CACNA2D3: variants seen among roughly 807,000 people sequenced by gnomAD.
The protein encoded by CACNA2D3 is voltage-dependent calcium channel subunit alpha-2/delta-3.
A neutral mutation model predicts 160.6 loss-of-function variants in CACNA2D3; 60 were observed. The observed-to-expected ratio is 0.37, with a 90% CI of 0.30 to 0.46. CACNA2D3 has a LOEUF of 0.46. Ranked by LOEUF, CACNA2D3 falls within the 20% of genes least tolerant of loss-of-function variation. The probability of loss-of-function intolerance (pLI) is 1.00; values close to 1 mark genes in which losing one functional copy is unlikely to be tolerated. For synonymous variants in CACNA2D3, 558 were observed against 492.9 expected, an observed-to-expected ratio of 1.13 and a Z score of -1.75; for missense variants, 1,205 against 1,365.0, an observed-to-expected ratio of 0.88 and a Z score of 1.85.
At chr3:55,005,687 T>C (rs1275438430) in intron 32 of CACNA2D3, among the ~76,000 whole-genome samples, 1 of 152,176 alleles carries the variant, frequency 6.6e-6, no homozygotes, top group African/African-American at 2.4e-5. Flanking sequence ...AAATTAACTG[T>C]TACCACTTAC....
chr3:54,177,943 A>G (rs1445196416), intron 2 of CACNA2D3: 1 of 152,188 alleles, frequency 6.6e-6, no homozygotes, highest in Non-Finnish European at 1.5e-5. Flanking sequence ...CAAAAATATT[A>G]CCTTATTTCC....
chr3:54,941,955 C>G (rs1701478733), intron 27 of CACNA2D3, among the ~76,000 whole-genome samples: 1 of 152,216 alleles, frequency 6.6e-6, no homozygotes, highest in African/African-American at 2.4e-5. Context: ...TGACAGCTGC[C>G]TTTCAGTAAA....
At chr3:54,906,313 A>C (rs1700447444) in intron 27 of CACNA2D3, among the ~76,000 whole-genome samples, 1 of 152,098 alleles carries the variant, frequency 6.6e-6, no homozygotes, top group Non-Finnish European at 1.5e-5. Flanking sequence ...TAGGATTAAG[A>C]GATGAAATGT....
intron 27 of CACNA2D3, among the ~76,000 whole-genome samples, chr3:54,950,491 A>G (rs990181763): frequency 1.3e-5 from 2 of 152,156 alleles, no homozygotes; most frequent in Non-Finnish European, 2.9e-5. Context: ...AATGCTGACA[A>G]TAATTATAAT....
intron 35 of CACNA2D3, among the ~76,000 whole-genome samples, chr3:55,033,501 AATG>A (rs1223038317): frequency 2.7e-5 from 4 of 150,460 alleles, no homozygotes; most frequent in Non-Finnish European, 5.9e-5. Context: ...TTTTTTATAC[AATG>A]ATAACACAGT....
intron 2 of CACNA2D3, among the ~76,000 whole-genome samples, chr3:54,199,084 C>T (rs1004418920): frequency 3.3e-5 from 5 of 152,206 alleles, no homozygotes; most frequent in Admixed American, 2.6e-4. Flanking sequence ...TGACTCTCCT[C>T]CTAAGGCTAA....
chr3:54,389,256 G>A (rs149767311), intron 4 of CACNA2D3, among the ~76,000 whole-genome samples: 3,087 of 151,258 alleles, frequency 0.02, 95 homozygotes, highest in African/African-American at 0.071. Flanking sequence ...GATCACGCCA[G>A]TGCACTCCAG....
At chr3:54,191,212 A>G (rs773711725) in intron 2 of CACNA2D3, among the ~76,000 whole-genome samples, 25 of 152,152 alleles carry the variant, frequency 1.6e-4, no homozygotes, top group Non-Finnish European at 3.5e-4. Flanking sequence ...AGCCTTTTCT[A>G]TTCACTAAAA....
rs1185604914 is a variant in CACNA2D3, at chr3:54,896,859, C to T, written c.2357C>T (p.Pro786Leu). The T allele has an allele frequency of 6.2e-7, 1 of 1,613,876 alleles. No individual in the cohort carries two copies. The highest frequency in any genetic ancestry group is 8.5e-7 in the Non-Finnish European group (1 of 1,179,884). ...CCAGGGAGCTTCGTCTACTCGATCC[C>T]ATTCAGCACTGGTGGGTGCCCTTGT... ...QIPGSFVYSI[P>L]FSTGPVNKSN... The change falls in exon 26 of 38, where the codon CCA (proline) becomes CTA (leucine). Residue 786 changes from proline to leucine, a missense_variant. Coordinates refer to ENST00000474759, the MANE Select transcript of CACNA2D3 (RefSeq NM_018398.3).
chr3:54,274,209 T>C (rs1231505633), intron 2 of CACNA2D3, among the ~76,000 whole-genome samples: 1 of 149,948 alleles, frequency 6.7e-6, no homozygotes, highest in Non-Finnish European at 1.5e-5. Flanking sequence ...TAGAATGATT[T>C]CTATGCATAT....
chr3:54,186,142 A>G (rs536988112), intron 2 of CACNA2D3, among the ~76,000 whole-genome samples: 1 of 152,262 alleles, frequency 6.6e-6, no homozygotes, highest in East Asian at 1.9e-4. Context: ...GAGGATGGGA[A>G]TGAGGGTGAG....
intron 2 of CACNA2D3, among the ~76,000 whole-genome samples, chr3:54,127,396 A>G (rs1699615557): frequency 6.6e-6 from 1 of 152,190 alleles, no homozygotes; most frequent in Admixed American, 6.5e-5. Flanking sequence ...AGAGTCAGCA[A>G]AGTAAAAGGT....
At chr3:54,716,270 A>C (rs1701048265) in intron 11 of CACNA2D3, among the ~76,000 whole-genome samples, 1 of 152,104 alleles carries the variant, frequency 6.6e-6, no homozygotes. Context: ...TGGGAGGTTT[A>C]TTTTGCTAAG....
At chr3:54,744,878 G>T (rs1701723484) in intron 11 of CACNA2D3, among the ~76,000 whole-genome samples, 1 of 152,198 alleles carries the variant, frequency 6.6e-6, no homozygotes, top group African/African-American at 2.4e-5. Flanking sequence ...GTGGGTGGAG[G>T]ATCCCCATGT....
At chr3:54,579,451 A>G (rs1702639345) in intron 8 of CACNA2D3, among the ~76,000 whole-genome samples, 1 of 152,192 alleles carries the variant, frequency 6.6e-6, no homozygotes, top group Admixed American at 6.5e-5. Flanking sequence ...AAGAGTGAGT[A>G]TAGATGAGTT....
At chr3:54,227,264 A>G (rs1254268802) in intron 2 of CACNA2D3, among the ~76,000 whole-genome samples, 4 of 151,994 alleles carry the variant, frequency 2.6e-5, no homozygotes, top group African/African-American at 7.2e-5. Flanking sequence ...ACCGGGAGAA[A>G]TGTCCAGCAC....
chr3:54,462,235 G>GA (rs1293796263), intron 4 of CACNA2D3, among the ~76,000 whole-genome samples: 1 of 152,130 alleles, frequency 6.6e-6, no homozygotes, highest in Non-Finnish European at 1.5e-5. Context: ...GTGTGGTGCT[G>GA]AAAAAAATGT....
chr3:54,204,033 A>G (rs1456731608), intron 2 of CACNA2D3, among the ~76,000 whole-genome samples: 2 of 151,954 alleles, frequency 1.3e-5, no homozygotes, highest in Admixed American at 1.3e-4. Flanking sequence ...TCCAAAAGAC[A>G]GAATAAGGAG....
intron 2 of CACNA2D3, among the ~76,000 whole-genome samples, chr3:54,140,798 A>G (rs1576953131): frequency 6.6e-6 from 1 of 152,184 alleles, no homozygotes; most frequent in Admixed American, 6.5e-5. Context: ...CTCAGTTGCT[A>G]CTGCCTTCGG....
Sources: gnomAD v4.1 joint callset for allele counts (sites outside exome capture counted in the v4.1 genomes callset) on GRCh38, gnomAD v4.1.1 for gene constraint, MANE v1.5 for transcripts, NCBI Gene and HGNC (gene_info 2026-07-23, HGNC 2026-07-21) for gene names.